The following SVIL variants were observed in gnomAD, a reference collection of about 807,000 sequenced individuals.
The protein encoded by SVIL is archvillin.
In SVIL, 101 loss-of-function variants were observed where a neutral mutation model predicts 240.4. That is an observed-to-expected ratio of 0.42 (90% CI 0.36 to 0.50). The LOEUF is 0.50. SVIL is among the 20% of genes least tolerant of loss of function. The probability of loss-of-function intolerance (pLI) is 0.01; values close to 1 mark genes in which losing one functional copy is unlikely to be tolerated. For synonymous variants in SVIL, 999 were observed against 1,100.0 expected, an observed-to-expected ratio of 0.91 and a Z score of 1.82; for missense variants, 2,512 against 2,818.7, an observed-to-expected ratio of 0.89 and a Z score of 2.46.
intron 1 of SVIL, among the ~76,000 whole-genome samples, chr10:29,732,479 A>C (rs899850689): frequency 6.6e-6 from 1 of 152,196 alleles, no homozygotes; most frequent in African/African-American, 2.4e-5. Context: ...CATTTGAAAA[A>C]CTTTCAAGTT....
chr10:29,733,470 A>G (rs1057400445), intron 1 of SVIL, among the ~76,000 whole-genome samples: 2 of 152,046 alleles, frequency 1.3e-5, no homozygotes, highest in African/African-American at 4.8e-5. Context: ...GACCACAGGT[A>G]ATTTTTAAAT....
At chr10:29,703,409 T>C (rs1462870336) in intron 1 of SVIL, among the ~76,000 whole-genome samples, 1 of 152,246 alleles carries the variant, frequency 6.6e-6, no homozygotes. Flanking sequence ...AACCCTGCTC[T>C]TGACAATCGC....
chr10:29,701,313 G>A (rs1232832475), intron 1 of SVIL, among the ~76,000 whole-genome samples: 1 of 150,316 alleles, frequency 6.7e-6, no homozygotes, highest in African/African-American at 2.4e-5. Flanking sequence ...CACCTCTCAG[G>A]CCCCTGTACT....
chr10:29,569,739 A>G (rs1008846177), intron 1 of SVIL, among the ~76,000 whole-genome samples: 3 of 152,248 alleles, frequency 2.0e-5, no homozygotes, highest in African/African-American at 7.2e-5. Flanking sequence ...AGATGCCTTT[A>G]AAGAATGGGG....
At chr10:29,470,227 T>A (rs1313544791) in intron 32 of SVIL, 49 bp downstream of exon 32, 6 of 1,596,740 alleles carry the variant, frequency 3.8e-6, no homozygotes, top group East Asian at 2.3e-5. Flanking sequence ...GCCCCGTCCC[T>A]CTGGGAAGCC....
At chr10:29,465,515 A>T in intron 34 of SVIL, 80 bp downstream of exon 34, 1 of 1,510,338 alleles carries the variant, frequency 6.6e-7, no homozygotes, top group Non-Finnish European at 8.9e-7. Context: ...GCTGCTTAAT[A>T]AATACCAACG....
intron 3 of SVIL, among the ~76,000 whole-genome samples, chr10:29,557,753 C>T (rs1270494333): frequency 1.3e-5 from 2 of 152,308 alleles, no homozygotes; most frequent in Middle Eastern, 3.4e-3. Flanking sequence ...TACTGCCCTT[C>T]CAGTGAACAC....
intron 2 of SVIL, among the ~76,000 whole-genome samples, chr10:29,663,127 T>C (rs558837356): frequency 1.3e-5 from 2 of 152,156 alleles, no homozygotes; most frequent in Non-Finnish European, 2.9e-5. Context: ...ATAATAGTAA[T>C]AATAAAAGAA....
intron 1 of SVIL, among the ~76,000 whole-genome samples, chr10:29,733,269 CT>C (rs1964719907): frequency 6.6e-6 from 1 of 152,192 alleles, no homozygotes; most frequent in African/African-American, 2.4e-5. Context: ...CATGAATTAT[CT>C]AATTTAGTCC....
intron 2 of SVIL, among the ~76,000 whole-genome samples, chr10:29,565,440 G>T (rs1954891986): frequency 6.6e-6 from 1 of 152,188 alleles, no homozygotes; most frequent in East Asian, 1.9e-4. Flanking sequence ...GAAAGTCTCT[G>T]ATGCTTCTTA....
In SVIL at chr10:29,531,254, C is replaced by A; in HGVS notation, c.2044G>T (p.Asp682Tyr). ...AAAAAAAAGGGAAACAGGTACTTGC[C>A]ATCGACAGTTGGCGTTTCTGAATGT... is the stretch of plus-strand genomic sequence containing the variant. ...TSHSETPTVD[D>Y]EEKVDERAKL... is the part of the protein sequence containing the mutation. Residue 682 changes from aspartate (D) to tyrosine (Y), a missense_variant and splice_region_variant, in exon 10 of 38, where the codon GAT becomes TAT. Around this residue, in one of 3 missense-constraint regions of SVIL, gnomAD observed 1,443 missense variants for 1,486.6 expected, o/e 0.97. Transcript: ENST00000355867. 1 of 1,613,858 alleles carries A rather than the reference C, an allele frequency of 6.2e-7. No homozygotes were observed. Among genetic ancestry groups the A allele is most frequent in the South Asian group, 1.1e-5 (1 of 91,014 alleles).
chr10:29,522,643 G>A lies in SVIL; in HGVS notation c.3164-8C>T. The A allele has an allele frequency of 6.2e-7, 1 of 1,612,832 alleles. No individual in the cohort carries two copies. Among genetic ancestry groups the A allele is most frequent in the Non-Finnish European group, 8.5e-7 (1 of 1,179,456 alleles). On this transcript the variant is annotated splice_polypyrimidine_tract_variant and splice_region_variant and intron_variant, in intron 15 of 37. Coordinates refer to ENST00000355867, the MANE Select transcript of SVIL (RefSeq NM_021738.3). ...GCTCCCCGAACTCTGCCGCTGGGAA[G>A]GAAAAGAGCAACATCAGCACTGAAC...
intron 1 of SVIL, among the ~76,000 whole-genome samples, chr10:29,716,239 TA>T (rs1963603564): frequency 6.6e-6 from 1 of 152,272 alleles, no homozygotes; most frequent in Non-Finnish European, 1.5e-5. Flanking sequence ...ATGTAAATCA[TA>T]ATTGGTAATT....
Position 29,493,341 on chromosome 10 carries a change from C to A in SVIL, c.3892G>T (p.Glu1298Ter). The A allele has an allele frequency of 6.2e-7, 1 of 1,614,168 alleles. No homozygotes were observed. The highest frequency in any genetic ancestry group is 8.5e-7 in the Non-Finnish European group (1 of 1,180,026). ...TCATCATCATCTGGCTTCATCACCT[C>A]CTTCACAGATTTGCCGGTGACAGTG... Reference protein sequence around the residue: ...VLTVTGKSVKEVMKPDDDETF... With the variant: ...VLTVTGKSVK Residue 1298 changes from glutamate (E) to a stop codon, truncating the protein, a stop_gained, in exon 21 of 38, where the codon GAG becomes TAG. Coordinates refer to ENST00000355867, the MANE Select transcript of SVIL (RefSeq NM_021738.3). LOFTEE classifies it high-confidence loss of function.
intron 17 of SVIL, among the ~76,000 whole-genome samples, chr10:29,509,358 A>AGAGAGAG (rs1554828025): frequency 0.032 from 4,080 of 128,838 alleles, 239 homozygotes; most frequent in Middle Eastern, 0.048. Flanking sequence ...AGAGAGAGAG[A>AGAGAGAG]GAGAGAGAGA....
intron 3 of SVIL, among the ~76,000 whole-genome samples, chr10:29,642,746 T>G (rs1958531591): frequency 6.6e-6 from 1 of 152,154 alleles, no homozygotes; most frequent in African/African-American, 2.4e-5. Context: ...TGCAATGACA[T>G]GATCTCAGCT....
intron 28 of SVIL, 21 bp from the exon 29 acceptor site, chr10:29,480,834 A>G (rs1384879716): frequency 6.3e-7 from 1 of 1,590,628 alleles, no homozygotes; most frequent in East Asian, 2.2e-5. Flanking sequence ...ACACAAAGAC[A>G]TCAGTTCAGT....
At position 29,532,128 on chromosome 10, in the gene SVIL, G is replaced by A. The variant is rs1465740627; in HGVS notation, c.1883C>T (p.Thr628Ile). The A allele has an allele frequency of 6.2e-7, 1 of 1,613,870 alleles. No individual in the cohort carries two copies. Among genetic ancestry groups the A allele is most frequent in the African/African-American group, 1.3e-5 (1 of 74,912 alleles). ...ERSAEGPGLPTGVERERGSRK... is the reference protein window; with the variant it reads ...ERSAEGPGLPIGVERERGSRK... ...GGACCCTCTCTCCCGTTCCACACCG[G>A]TGGGCAAGCCAGGTCCTTCAGCCGA... The change falls in exon 9 of 38, where the codon ACC (threonine) becomes ATC (isoleucine). Residue 628 changes from threonine to isoleucine, a missense_variant. Physicochemically the swap from Thr to Ile is moderately conservative, Grantham distance 89. Coordinates refer to ENST00000355867, the MANE Select transcript of SVIL (RefSeq NM_021738.3).
intron 1 of SVIL, among the ~76,000 whole-genome samples, chr10:29,691,220 T>G (rs556975418): frequency 6.6e-6 from 1 of 151,738 alleles, no homozygotes; most frequent in East Asian, 1.9e-4. Flanking sequence ...TAATTTTTTT[T>G]TTTTTTTTTG....
Sources: allele counts gnomAD v4.1 joint callset (sites outside exome capture counted in the v4.1 genomes callset), GRCh38; gene constraint gnomAD v4.1.1; regional missense constraint gnomAD v4.1.1; transcripts MANE v1.5; gene names NCBI Gene and HGNC (gene_info 2026-07-23, HGNC 2026-07-21).